The following TBC1D32 variants were observed in gnomAD, a reference collection of about 807,000 sequenced individuals.
TBC1D32 encodes TBC1 domain family member 32, also known as protein broad-minded.
TBC1D32 carries 151 observed loss-of-function variants against 170.3 expected under a neutral mutation model. The ratio of observed to expected loss-of-function variants is 0.89; its 90% confidence interval spans 0.78 to 1.01. The LOEUF (loss-of-function observed/expected upper bound fraction) is 1.01, where lower values mean the gene tolerates loss of function less well. Among genes scored for constraint, TBC1D32 ranks in the 50% least tolerant of loss-of-function variants. The pLI is 0.00. For missense variants in TBC1D32, 1,464 were observed against 1,457.1 expected (o/e 1.00, Z -0.08); for synonymous variants, 498 against 488.0 (o/e 1.02, Z -0.27).
chr6:121,148,623 T>C (rs1783788594), intron 24 of TBC1D32, among the ~76,000 whole-genome samples: 1 of 148,346 alleles, frequency 6.7e-6, no homozygotes, highest in Admixed American at 6.7e-5. Flanking sequence ...TCCCTATTTC[T>C]TTTTTTTTTA....
intron 15 of TBC1D32, among the ~76,000 whole-genome samples, chr6:121,259,523 A>G (rs983618465): frequency 6.6e-6 from 1 of 152,182 alleles, no homozygotes; most frequent in Admixed American, 6.5e-5. Context: ...GGCAGACTGA[A>G]CATATACATT....
intron 15 of TBC1D32, among the ~76,000 whole-genome samples, chr6:121,272,041 A>T (rs1165438371): frequency 6.6e-6 from 1 of 152,174 alleles, no homozygotes; most frequent in Admixed American, 6.5e-5. Flanking sequence ...TGCTGGGAAA[A>T]CTGGCTAGCC....
chr6:121,334,116 A>C (rs1811564668), intron 1 of TBC1D32, among the ~76,000 whole-genome samples, 160 bp downstream of exon 1: 2 of 152,174 alleles, frequency 1.3e-5, no homozygotes, highest in Non-Finnish European at 2.9e-5. Context: ...AATAAGAATA[A>C]ATGTTAAATA....
intron 10 of TBC1D32, among the ~76,000 whole-genome samples, chr6:121,295,092 A>C (rs9387942): frequency 0.64 from 97,430 of 151,236 alleles, 36,737 homozygotes; most frequent in Non-Finnish European, 0.84. Flanking sequence ...AAATGCTAAA[A>C]ACTGATAAAA....
chr6:121,279,241 G>A lies in TBC1D32; in HGVS notation c.1613C>T (p.Ser538Phe). Residue 538 changes from serine (S) to phenylalanine (F), a missense_variant, in exon 15 of 32, where the codon TCT becomes TTT. Coordinates refer to ENST00000398212, the MANE Select transcript of TBC1D32 (RefSeq NM_152730.6). The part of the protein sequence containing the change: ...IHNLMKGNEA[S>F]PNCSETALIH... ...TAAAGCTGTCTCAGAGCAATTTGGA[G>A]ATGCCTGTACATTAAAAAGAAAACA... 1 of 1,606,718 alleles carries A rather than the reference G, an allele frequency of 6.2e-7. No individual in the cohort carries two copies. The highest frequency in any genetic ancestry group is 8.5e-7 in the Non-Finnish European group (1 of 1,177,746).
chr6:121,259,906 T>C (rs1293919405), intron 15 of TBC1D32, among the ~76,000 whole-genome samples: 1 of 152,142 alleles, frequency 6.6e-6, no homozygotes, highest in Non-Finnish European at 1.5e-5. Flanking sequence ...TCTTGAAAGG[T>C]AGGCAGAGCT....
chr6:121,200,504 G>T (rs1326987160), intron 22 of TBC1D32, among the ~76,000 whole-genome samples: 2 of 151,542 alleles, frequency 1.3e-5, no homozygotes, highest in Non-Finnish European at 2.9e-5. Context: ...GCTAAGCCTT[G>T]GGCAGTATCA....
intron 31 of TBC1D32, among the ~76,000 whole-genome samples, chr6:121,084,895 C>T (rs555229879): frequency 1.4e-4 from 22 of 151,946 alleles, no homozygotes; most frequent in African/African-American, 5.1e-4. Flanking sequence ...TATTAATGCC[C>T]TTGCAAAATG....
At chr6:121,252,835 A>G (rs748589944) in intron 17 of TBC1D32, among the ~76,000 whole-genome samples, 12 of 152,172 alleles carry the variant, frequency 7.9e-5, no homozygotes, top group Non-Finnish European at 1.6e-4. Flanking sequence ...TCAACAAAGC[A>G]TAAGAAAAAA....
intron 1 of TBC1D32, among the ~76,000 whole-genome samples, chr6:121,328,873 GAAGT>G (rs1253652836): frequency 6.6e-6 from 1 of 152,030 alleles, no homozygotes; most frequent in Non-Finnish European, 1.5e-5. Context: ...TGTTACTTTA[GAAGT>G]AATTTAATGA....
At chr6:121,178,219 A>G (rs1788030835) in intron 22 of TBC1D32, among the ~76,000 whole-genome samples, 1 of 152,150 alleles carries the variant, frequency 6.6e-6, no homozygotes. Flanking sequence ...GATTATTACA[A>G]TTCAACATGA....
intron 12 of TBC1D32, among the ~76,000 whole-genome samples, chr6:121,288,328 C>G (rs1804235207): frequency 6.6e-6 from 1 of 152,076 alleles, no homozygotes. Context: ...GATATCAACA[C>G]CGATCCCACA....
At chr6:121,284,226 T>C (rs1803461169) in intron 12 of TBC1D32, among the ~76,000 whole-genome samples, 1 of 152,082 alleles carries the variant, frequency 6.6e-6, no homozygotes, top group African/African-American at 2.4e-5. Flanking sequence ...TTTATTCAAT[T>C]AGGAGTAGTA....
At chr6:121,312,841 C>A (rs953206873) in intron 3 of TBC1D32, among the ~76,000 whole-genome samples, 2 of 152,122 alleles carry the variant, frequency 1.3e-5, no homozygotes, top group Non-Finnish European at 2.9e-5. Flanking sequence ...TTTACATAGA[C>A]AATATAAGAA....
chr6:121,304,937 A>C (rs184672833), intron 5 of TBC1D32, 104 bp from the exon 6 acceptor site: 544 of 743,184 alleles, frequency 7.3e-4, no homozygotes, highest in Non-Finnish European at 1.0e-3. Context: ...AATAAATACA[A>C]ATAAACCATT....
intron 25 of TBC1D32, among the ~76,000 whole-genome samples, chr6:121,127,591 C>T (rs193067633): frequency 2.0e-5 from 3 of 152,204 alleles, no homozygotes; most frequent in Admixed American, 2.0e-4. Context: ...TCAAGTCTCT[C>T]TTCTATGAAT....
intron 22 of TBC1D32, among the ~76,000 whole-genome samples, chr6:121,190,040 A>G (rs1280936173): frequency 6.7e-6 from 1 of 148,884 alleles, no homozygotes; most frequent in Non-Finnish European, 1.5e-5. Flanking sequence ...ACCACACACT[A>G]TATAATTTCT....
intron 31 of TBC1D32, among the ~76,000 whole-genome samples, chr6:121,087,642 T>C (rs1475420350): frequency 6.6e-6 from 1 of 152,198 alleles, no homozygotes; most frequent in Non-Finnish European, 1.5e-5. Context: ...ATTTTGAAAA[T>C]GAATTCTGTT....
chr6:121,121,842 GAC>G (rs1281257286), intron 26 of TBC1D32, among the ~76,000 whole-genome samples: 108 of 151,986 alleles, frequency 7.1e-4, no homozygotes, highest in Admixed American at 7.0e-3. Context: ...AGAAGAATTA[GAC>G]ACTAAGTCAG....
Sources: allele counts gnomAD v4.1 joint callset (sites outside exome capture counted in the v4.1 genomes callset), GRCh38; gene constraint gnomAD v4.1.1; transcripts MANE v1.5; gene names NCBI Gene and HGNC (gene_info 2026-07-23, HGNC 2026-07-21).